SLC24A2: variants seen among roughly 807,000 people sequenced by gnomAD.
SLC24A2 encodes the protein sodium/potassium/calcium exchanger 2.
A neutral mutation model predicts 62.0 loss-of-function variants in SLC24A2; 36 were observed. The ratio of observed to expected loss-of-function variants is 0.58; its 90% CI spans 0.44 to 0.77. The LOEUF (loss-of-function observed/expected upper bound fraction) is 0.77. Among genes scored for constraint, SLC24A2 ranks in the 30% least tolerant of loss-of-function variants. SLC24A2 has a pLI of 0.00. For missense variants in SLC24A2, 846 were observed against 817.9 expected (o/e 1.03, Z -0.42); for synonymous variants, 358 against 294.0 (o/e 1.22, Z -2.23).
At chr9:20,106,990 C>G in the SLC24A2 span, among the ~76,000 whole-genome samples, 1 of 152,190 alleles carries the variant, frequency 6.6e-6, no homozygotes, top group Admixed American at 6.5e-5. Context: ...TGATAAGCAA[C>G]TTCAGCAAAG....
At chr9:20,246,531 G>A in the SLC24A2 span, among the ~76,000 whole-genome samples, 1 of 152,152 alleles carries the variant, frequency 6.6e-6, no homozygotes, top group Non-Finnish European at 1.5e-5. Context: ...TTGGGCTTAG[G>A]AAATAATAAA....
intron 4 of SLC24A2, among the ~76,000 whole-genome samples, chr9:19,602,097 T>C (rs946131809): frequency 6.6e-5 from 10 of 152,328 alleles, no homozygotes; most frequent in African/African-American, 1.9e-4. Context: ...AGTCAATAGA[T>C]ATGGGTTCTA....
the SLC24A2 span, among the ~76,000 whole-genome samples, chr9:20,177,178 G>A: frequency 6.6e-6 from 1 of 151,868 alleles, no homozygotes; most frequent in South Asian, 2.1e-4. Context: ...TAGGCCATTT[G>A]TTAAATATCT....
chr9:20,086,149 T>C, the SLC24A2 span, among the ~76,000 whole-genome samples: 1 of 152,202 alleles, frequency 6.6e-6, no homozygotes, highest in East Asian at 1.9e-4. Context: ...TCTCCTAATA[T>C]GTTCATAATG....
At chr9:20,237,616 T>G in the SLC24A2 span, among the ~76,000 whole-genome samples, 3 of 152,214 alleles carry the variant, frequency 2.0e-5, no homozygotes, top group African/African-American at 7.2e-5. Flanking sequence ...TGCATTTCTC[T>G]TTTTATGTTT....
the SLC24A2 span, among the ~76,000 whole-genome samples, chr9:20,100,059 C>T: frequency 2.0e-5 from 3 of 152,060 alleles, no homozygotes; most frequent in Non-Finnish European, 4.4e-5. Context: ...CATTCTGTCA[C>T]CCAGGCTGGA....
chr9:20,103,872 A>C, the SLC24A2 span, among the ~76,000 whole-genome samples: 1 of 152,220 alleles, frequency 6.6e-6, no homozygotes, highest in Non-Finnish European at 1.5e-5. Flanking sequence ...GAGTTGAGAG[A>C]AGAAGGCTTC....
intron 7 of SLC24A2, among the ~76,000 whole-genome samples, chr9:19,556,727 C>A (rs1835105695): frequency 1.3e-5 from 2 of 152,254 alleles, no homozygotes; most frequent in Admixed American, 1.3e-4. Flanking sequence ...AATAGAATGT[C>A]AGCACTTACG....
the SLC24A2 span, among the ~76,000 whole-genome samples, chr9:19,861,452 C>T: frequency 2.0e-5 from 3 of 152,100 alleles, no homozygotes; most frequent in Admixed American, 1.3e-4. Flanking sequence ...ATCTAGAAAG[C>T]CTTCCCAAGA....
the SLC24A2 span, among the ~76,000 whole-genome samples, chr9:20,064,767 A>T: frequency 6.6e-6 from 1 of 152,236 alleles, no homozygotes; most frequent in Non-Finnish European, 1.5e-5. Context: ...AGAAATCAGG[A>T]AGAGCCAGGA....
At chr9:20,108,069 A>T in the SLC24A2 span, among the ~76,000 whole-genome samples, 4 of 152,244 alleles carry the variant, frequency 2.6e-5, no homozygotes, top group African/African-American at 9.6e-5. Flanking sequence ...AAAAGAAGAC[A>T]TTTATACAGC....
the SLC24A2 span, among the ~76,000 whole-genome samples, chr9:20,299,709 C>T: frequency 2.7e-3 from 411 of 152,292 alleles, 3 homozygotes; most frequent in Admixed American, 0.025. Context: ...ACTTGCCTTC[C>T]CTGGTCACCT....
chr9:20,131,950 T>C, the SLC24A2 span, among the ~76,000 whole-genome samples: 129 of 152,256 alleles, frequency 8.5e-4, no homozygotes, highest in Admixed American at 3.1e-3. Flanking sequence ...TGGTAAACAG[T>C]TTATGTAATT....
At chr9:20,275,191 G>A in the SLC24A2 span, among the ~76,000 whole-genome samples, 1 of 152,142 alleles carries the variant, frequency 6.6e-6, no homozygotes. Context: ...TAGACATAGA[G>A]CTCAGTTAGG....
At chr9:20,260,520 A>T in the SLC24A2 span, among the ~76,000 whole-genome samples, 1 of 152,230 alleles carries the variant, frequency 6.6e-6, no homozygotes, top group South Asian at 2.1e-4. Context: ...ATCAATTTTC[A>T]ATTTCATTTT....
chr9:20,119,994 C>T, the SLC24A2 span, among the ~76,000 whole-genome samples: 1 of 152,174 alleles, frequency 6.6e-6, no homozygotes, highest in Admixed American at 6.6e-5. Flanking sequence ...AGATCAAGAG[C>T]ATCGGCAGGG....
chr9:20,272,085 T>C, the SLC24A2 span, among the ~76,000 whole-genome samples: 1 of 152,232 alleles, frequency 6.6e-6, no homozygotes, highest in East Asian at 1.9e-4. Flanking sequence ...GCTTCAGTCC[T>C]AAATAATTGT....
the SLC24A2 span, among the ~76,000 whole-genome samples, chr9:20,248,487 C>G: frequency 6.6e-6 from 1 of 152,070 alleles, no homozygotes; most frequent in Non-Finnish European, 1.5e-5. Flanking sequence ...TTTTAGATGC[C>G]CATCTTCCTG....
chr9:19,915,027 G>A, the SLC24A2 span, among the ~76,000 whole-genome samples: 2 of 152,072 alleles, frequency 1.3e-5, no homozygotes, highest in Non-Finnish European at 2.9e-5. Context: ...TCACAATGTC[G>A]TACAACTGTT....
Sources: allele counts gnomAD v4.1 joint callset (sites outside exome capture counted in the v4.1 genomes callset), GRCh38; gene constraint gnomAD v4.1.1; transcripts MANE v1.5; gene names NCBI Gene and HGNC (gene_info 2026-07-23, HGNC 2026-07-21).